The following PSMD13 variants were observed in gnomAD, a reference collection of about 807,000 sequenced individuals.
PSMD13 encodes proteasome 26S subunit, non-ATPase 13.
A neutral mutation model predicts 57.4 loss-of-function variants in PSMD13; 8 were observed. The ratio of observed to expected loss-of-function variants is 0.14; its 90% CI spans 0.08 to 0.25. The LOEUF (loss-of-function observed/expected upper bound fraction) is 0.25. Among genes scored for constraint, PSMD13 ranks in the 10% least tolerant of loss-of-function variants. The pLI is 1.00. For missense variants in PSMD13, 400 were observed against 461.5 expected (o/e 0.87, Z 1.22); for synonymous variants, 193 against 168.2 (o/e 1.15, Z -1.14).
chr11:239,217 AC>A, intron 2 of PSMD13, 141 bp downstream of exon 2: 1 of 790,658 alleles, frequency 1.3e-6, no homozygotes, highest in Non-Finnish European at 2.1e-6. Flanking sequence ...TGAGCGCTTC[AC>A]ATATCCTTCA....
chr11:248,737 T>G (rs1238322376), intron 7 of PSMD13, 39 bp from the exon 8 acceptor site: 2 of 1,586,142 alleles, frequency 1.3e-6, no homozygotes, highest in Non-Finnish European at 1.7e-6. Flanking sequence ...GACTGATTAT[T>G]ATGACTGGAT....
At chr11:247,035 C>G (rs2133989377) in intron 6 of PSMD13, among the ~76,000 whole-genome samples, 1 of 152,234 alleles carries the variant, frequency 6.6e-6, no homozygotes, top group East Asian at 1.9e-4. Flanking sequence ...AACGCGGTCA[C>G]ATTCATCAGT....
At position 248,545 on chromosome 11, in the gene PSMD13, T is replaced by C. The variant is rs1198410575; in HGVS notation, c.569-231T>C. ...AGCTGAAAATATGAATAGATTCACATATATTTAGGAAAAAATAAATGAATG... is the reference window on the plus strand; with the variant it reads ...AGCTGAAAATATGAATAGATTCACACATATTTAGGAAAAAATAAATGAATG... On this transcript the variant is annotated intron_variant, in intron 7 of 12. Transcript: ENST00000532097. 9.1e-6 allele frequency: 5 copies of C among 552,302 alleles called. No homozygotes were observed. In the East Asian group the frequency reaches 1.2e-4, roughly 13 times the overall value. 34.2% of individuals were successfully genotyped at this position (552,302 alleles called of 1,614,324 possible).
chr11:244,938 C>CTT (rs35323262), intron 6 of PSMD13, among the ~76,000 whole-genome samples, 177 bp downstream of exon 6: 346 of 139,052 alleles, frequency 2.5e-3, no homozygotes, highest in Middle Eastern at 0.015. Context: ...CATTGCAAAC[C>CTT]TTTTTTTTTT....
intron 2 of PSMD13, among the ~76,000 whole-genome samples, chr11:242,014 T>A (rs17727753): frequency 0.023 from 3,452 of 152,000 alleles, 64 homozygotes; most frequent in Middle Eastern, 0.041. Context: ...CTCAGCTTCT[T>A]CCCCTCCCAC....
rs747109142 is a variant in PSMD13, at chr11:237,032, G to A, written c.-18G>A. On this transcript the variant is annotated 5_prime_UTR_variant, in exon 1 of 13. Coordinates refer to ENST00000532097, the MANE Select transcript of PSMD13 (RefSeq NM_002817.4). ...GACATCCCGGTTGTTCTTCTGTGCC[G>A]GGGGTCTTCCTGCTGTCATGAAGGA... 8 of 1,595,886 alleles carry A rather than the reference G, an allele frequency of 5.0e-6. No individual in the cohort carries two copies. The highest frequency in any genetic ancestry group is 2.2e-5 in the East Asian group (1 of 44,764).
chr11:247,875 T>C (rs781584849), intron 7 of PSMD13: 1 of 153,484 alleles, frequency 6.5e-6, no homozygotes, highest in African/African-American at 2.4e-5. Flanking sequence ...TCATCCTGTT[T>C]TGAAGAAAAA....
At chr11:249,739 A>G (rs1332343013) in intron 9 of PSMD13, among the ~76,000 whole-genome samples, 1 of 152,180 alleles carries the variant, frequency 6.6e-6, no homozygotes, top group African/African-American at 2.4e-5. Context: ...CAAGGGCTTG[A>G]GCTTTAATGA....
chr11:244,550 C>G lies in PSMD13; in HGVS notation c.309+81C>G, dbSNP rs763774241. On this transcript the variant is annotated intron_variant, in intron 5 of 12. Coordinates refer to ENST00000532097, the MANE Select transcript of PSMD13 (RefSeq NM_002817.4). ...AACAGCTTGTGTTCATGCTCACTGT[C>G]CAGACCTTTAGAGACCACAAGGCCT... is the stretch of plus-strand genomic sequence containing the variant. 2.2e-5 allele frequency: 34 copies of G among 1,525,322 alleles called. No homozygotes were observed. The Admixed American group carries it at 4.4e-4, about 20-fold the overall frequency. The allele number at this position is 1,525,322 out of a possible 1,614,324, so 94.5% of individuals were successfully genotyped here.
intron 9 of PSMD13, 101 bp downstream of exon 9, chr11:249,158 A>G: frequency 2.6e-6 from 4 of 1,515,366 alleles, no homozygotes; most frequent in Non-Finnish European, 3.6e-6. Flanking sequence ...AGGAAAGAAC[A>G]GGGCAAAGAG....
At chr11:242,739 A>G (rs1484167463) in intron 2 of PSMD13, among the ~76,000 whole-genome samples, 1 of 152,134 alleles carries the variant, frequency 6.6e-6, no homozygotes, top group Admixed American at 6.5e-5. Context: ...GCCTCCATTC[A>G]GGTCTCTTAC....
At chr11:246,688 C>T (rs754862136) in intron 6 of PSMD13, among the ~76,000 whole-genome samples, 9 of 152,190 alleles carry the variant, frequency 5.9e-5, no homozygotes, top group Non-Finnish European at 1.0e-4. Context: ...TATGAGTACT[C>T]TGGAAGCTCC....
rs769872978 is a variant in PSMD13, at chr11:252,443, G to A, written c.1036-62G>A. 268 of 1,518,176 alleles carry A rather than the reference G, an allele frequency of 1.8e-4. No homozygotes were observed. Among genetic ancestry groups the A allele is most frequent in the Non-Finnish European group, 2.0e-4 (224 of 1,094,198 alleles). 94.0% of individuals were successfully genotyped at this position (1,518,176 alleles called of 1,614,324 possible). On this transcript the variant is annotated intron_variant, in intron 12 of 12. Transcript: ENST00000532097. The surrounding 1 kb of genome is among the most constrained non-coding windows in gnomAD (Gnocchi z 4.1). ...GAGTCACCCCATCAGGTGCTGTGCCGGCCGCTCGGCCTGTGTCTCCTGCGT... is the reference window on the plus strand; with the variant it reads ...GAGTCACCCCATCAGGTGCTGTGCCAGCCGCTCGGCCTGTGTCTCCTGCGT...
chr11:247,172 C>T, intron 6 of PSMD13, 105 bp from the exon 7 acceptor site: 2 of 1,152,682 alleles, frequency 1.7e-6, no homozygotes, highest in Non-Finnish European at 2.4e-6. Flanking sequence ...CACTTGAGGC[C>T]AGGAGTTCAA....
rs1288475338 is a variant in PSMD13, at chr11:252,447, G to A, written c.1036-58G>A. On this transcript the variant is annotated intron_variant, in intron 12 of 12. Coordinates refer to ENST00000532097, the MANE Select transcript of PSMD13 (RefSeq NM_002817.4). This position sits in a 1 kb window ranked among gnomAD's most constrained non-coding sequence, Gnocchi z 4.1. The stretch of plus-strand genomic sequence containing the variant: ...CACCCCATCAGGTGCTGTGCCGGCC[G>A]CTCGGCCTGTGTCTCCTGCGTGTCT... 1.6e-5 allele frequency: 24 copies of A among 1,545,100 alleles called. No homozygotes were observed. The highest frequency in any genetic ancestry group is 4.5e-5 in the South Asian group (4 of 89,316).
chr11:249,367 C>T (rs1859724006), intron 9 of PSMD13, among the ~76,000 whole-genome samples: 1 of 151,830 alleles, frequency 6.6e-6, no homozygotes, highest in Non-Finnish European at 1.5e-5. Flanking sequence ...TCTGTGTGAC[C>T]TTAGGAATGA....
chr11:244,795 T>A, intron 6 of PSMD13, 34 bp downstream of exon 6: 1 of 1,432,736 alleles, frequency 7.0e-7, no homozygotes, highest in South Asian at 1.3e-5. Context: ...TATCTTTGGT[T>A]TAAAATTATT....
chr11:240,762 A>T (rs1055728406), intron 2 of PSMD13, among the ~76,000 whole-genome samples: 2 of 152,348 alleles, frequency 1.3e-5, no homozygotes, highest in East Asian at 3.8e-4. Flanking sequence ...GGAAAGTTCA[A>T]ACATTTCCTT....
In PSMD13 at chr11:247,383, A is replaced by G. The variant is rs1004858739; in HGVS notation, c.503A>G (p.Asn168Ser). The change falls in exon 7 of 13, where the codon AAC becomes AGC. Residue 168 changes from asparagine to serine, a missense_variant. By Grantham distance (46) the Asn-to-Ser change is conservative (BLOSUM62 1). Transcript: ENST00000532097. ...AGTAAATACTATCAAACAATCGGAA[A>G]CCACGCGTCCTACTACAAAGATGCT... ...LSSKYYQTIG[N>S]HASYYKDALR... is the part of the protein sequence containing the mutation. The G allele has an allele frequency of 1.2e-6, 2 of 1,614,086 alleles. No homozygotes were observed. Among genetic ancestry groups the G allele is most frequent in the Admixed American group, 3.3e-5 (2 of 60,004 alleles).
Sources: gnomAD v4.1 joint callset for allele counts (sites outside exome capture counted in the v4.1 genomes callset) on GRCh38, gnomAD v4.1.1 for gene constraint, Gnocchi (gnomAD v3.1) non-coding constraint, MANE v1.5 for transcripts, NCBI Gene and HGNC (gene_info 2026-07-23, HGNC 2026-07-21) for gene names.